APBB2: variants seen among roughly 807,000 people sequenced by gnomAD.
APBB2 encodes amyloid beta precursor protein binding family B member 2.
APBB2 carries 38 observed loss-of-function variants against 82.5 expected under a neutral mutation model. The ratio of observed to expected loss-of-function variants is 0.46; its 90% CI spans 0.36 to 0.60. The LOEUF is 0.60. Among genes scored for constraint, APBB2 ranks in the 20% least tolerant of loss-of-function variants. The pLI is 0.00. For synonymous variants in APBB2, 341 were observed against 368.2 expected (o/e 0.93, Z 0.85); for missense variants, 772 against 972.3 (o/e 0.79, Z 2.74).
intron 6 of APBB2, among the ~76,000 whole-genome samples, chr4:40,948,849 AC>A (rs1208396231): frequency 7.4e-6 from 1 of 134,572 alleles, no homozygotes; most frequent in Admixed American, 8.3e-5. Flanking sequence ...TAATCATGCC[AC>A]TGCATTTCAG....
At chr4:41,149,473 G>T (rs1383700476) in intron 1 of APBB2, among the ~76,000 whole-genome samples, 1 of 151,976 alleles carries the variant, frequency 6.6e-6, no homozygotes, top group Non-Finnish European at 1.5e-5. Context: ...AAGGGCTGAG[G>T]AAAGGGGGGA....
chr4:40,911,551 T>C (rs927367279), intron 10 of APBB2, among the ~76,000 whole-genome samples: 3 of 152,186 alleles, frequency 2.0e-5, no homozygotes, highest in African/African-American at 7.2e-5. Context: ...CCAGGTGTCT[T>C]ACACTGTAGG....
At chr4:40,946,232 C>CA (rs55995119) in intron 6 of APBB2, among the ~76,000 whole-genome samples, 29,365 of 78,222 alleles carry the variant, frequency 0.38, 4,880 homozygotes, top group Non-Finnish European at 0.45. Context: ...ACTCTATCTC[C>CA]AAAAAAAAAA....
At chr4:40,843,546 T>C (rs1756599064) in intron 12 of APBB2, among the ~76,000 whole-genome samples, 1 of 152,254 alleles carries the variant, frequency 6.6e-6, no homozygotes, top group South Asian at 2.1e-4. Flanking sequence ...AACTGTCAAC[T>C]GTAATATGGA....
chr4:40,886,472 C>T (rs1770318857), intron 12 of APBB2, among the ~76,000 whole-genome samples: 1 of 151,798 alleles, frequency 6.6e-6, no homozygotes, highest in African/African-American at 2.4e-5. Flanking sequence ...AACAGTGAAA[C>T]TCCATCTCAA....
At chr4:40,928,657 G>A (rs959127175) in intron 10 of APBB2, among the ~76,000 whole-genome samples, 7 of 151,826 alleles carry the variant, frequency 4.6e-5, no homozygotes, top group African/African-American at 9.7e-5. Flanking sequence ...AGGCCAAGGC[G>A]GATAGATCAC....
chr4:40,909,666 T>C (rs1028066234), intron 10 of APBB2, among the ~76,000 whole-genome samples: 2 of 152,212 alleles, frequency 1.3e-5, no homozygotes, highest in Admixed American at 1.3e-4. Flanking sequence ...ATTAAGTGTA[T>C]GTTTACTTAA....
chr4:40,901,601 C>G (rs1165710808), intron 10 of APBB2, among the ~76,000 whole-genome samples: 1 of 152,174 alleles, frequency 6.6e-6, no homozygotes, highest in African/African-American at 2.4e-5. Context: ...CCTCCGCCTC[C>G]CAGGCTCAAG....
intron 15 of APBB2, chr4:40,825,647 C>T: frequency 4.2e-6 from 2 of 475,842 alleles, no homozygotes; most frequent in East Asian, 4.0e-5. Flanking sequence ...AACAAGAAAT[C>T]CACGTCTGTA....
chr4:41,164,465 A>C (rs1429756166), intron 1 of APBB2, among the ~76,000 whole-genome samples: 1 of 152,216 alleles, frequency 6.6e-6, no homozygotes, highest in African/African-American at 2.4e-5. Context: ...CAGGATGCAA[A>C]AGGCGGCTCC....
At chr4:41,066,741 G>T (rs1384989748) in intron 3 of APBB2, among the ~76,000 whole-genome samples, 7 of 152,222 alleles carry the variant, frequency 4.6e-5, no homozygotes, top group African/African-American at 1.7e-4. Flanking sequence ...GAGGCCTGCA[G>T]AGTGAGGCCA....
At chr4:40,955,623 C>T (rs1199027547) in intron 6 of APBB2, among the ~76,000 whole-genome samples, 1 of 152,180 alleles carries the variant, frequency 6.6e-6, no homozygotes, top group Non-Finnish European at 1.5e-5. Context: ...CCTTAAAACT[C>T]TTTTTCAGGC....
chr4:41,054,780 CT>C (rs1443700730), intron 4 of APBB2, among the ~76,000 whole-genome samples: 1 of 152,126 alleles, frequency 6.6e-6, no homozygotes, highest in African/African-American at 2.4e-5. Flanking sequence ...CACTGAGAAG[CT>C]TTGAGGTGCA....
At chr4:41,017,985 T>C (rs1296355581) in intron 5 of APBB2, among the ~76,000 whole-genome samples, 2 of 152,228 alleles carry the variant, frequency 1.3e-5, no homozygotes, top group African/African-American at 4.8e-5. Flanking sequence ...ACCAAACTCT[T>C]TAACACAACC....
intron 2 of APBB2, among the ~76,000 whole-genome samples, chr4:41,136,659 T>C (rs1757656899): frequency 6.6e-6 from 1 of 152,140 alleles, no homozygotes; most frequent in Non-Finnish European, 1.5e-5. Flanking sequence ...CTTGACCTAC[T>C]AACGGCACTG....
chr4:41,194,540 G>A, intron 1 of APBB2, among the ~76,000 whole-genome samples: 23,846 of 152,094 alleles, frequency 0.16, 2,001 homozygotes, highest in Non-Finnish European at 0.19. Context: ...AAAATTAGCC[G>A]GGCATGGTGG....
intron 1 of APBB2, chr4:41,194,081 C>T: frequency 4.6e-5 from 7 of 150,832 alleles, no homozygotes; most frequent in African/African-American, 1.2e-4. Context: ...CACTTGAGCC[C>T]GAACTTTGAG....
chr4:40,954,932 TG>T (rs1456740645), intron 6 of APBB2, among the ~76,000 whole-genome samples: 1 of 152,194 alleles, frequency 6.6e-6, no homozygotes, highest in African/African-American at 2.4e-5. Context: ...ATTACAGGCA[TG>T]CACCACTGTA....
intron 10 of APBB2, among the ~76,000 whole-genome samples, chr4:40,918,027 T>C (rs1285405050): frequency 1.3e-5 from 2 of 152,246 alleles, no homozygotes; most frequent in Non-Finnish European, 2.9e-5. Context: ...GACAATGCAA[T>C]ACAGCTTCCC....
Sources: allele counts gnomAD v4.1 joint callset (sites outside exome capture counted in the v4.1 genomes callset), GRCh38; gene constraint gnomAD v4.1.1; transcripts MANE v1.5; gene names NCBI Gene and HGNC (gene_info 2026-07-23, HGNC 2026-07-21).